The following OCEL1 variants were observed in gnomAD, a reference collection of about 807,000 sequenced individuals.
The protein encoded by OCEL1 is occludin/ELL domain-containing protein 1.
OCEL1 carries 24 observed loss-of-function variants against 29.4 expected under a neutral mutation model. The observed-to-expected ratio is 0.82, with a 90% confidence interval of 0.59 to 1.15. The LOEUF is 1.15. OCEL1 is among the 50% of genes most tolerant of loss of function. The pLI is 0.00. For missense variants in OCEL1, 402 were observed against 352.5 expected (o/e 1.14, Z -1.13); for synonymous variants, 172 against 145.3 (o/e 1.18, Z -1.32).
At position 17,226,676 on chromosome 19, in the gene OCEL1, C is replaced by T. The variant is rs1310478719; in HGVS notation, c.70-17C>T. 2.1e-6 allele frequency: 3 copies of T among 1,454,714 alleles called. No individual in the cohort carries two copies. The highest frequency in any genetic ancestry group is 2.7e-6 in the Non-Finnish European group (3 of 1,111,484). 90.1% of individuals were successfully genotyped at this position (1,454,714 alleles called of 1,614,324 possible). ...TGCGCGTCGTCAGGCGTGTCCTCTC[C>T]GCGTGTCCACCCACAGGCCGCCCGC... is the stretch of plus-strand genomic sequence containing the variant. On this transcript the variant is annotated splice_polypyrimidine_tract_variant and intron_variant, in intron 1 of 5. Transcript: ENST00000215061.
In OCEL1 at chr19:17,228,924, A is replaced by C. The variant is rs1011351373; in HGVS notation, c.794A>C (p.Ter265SerextTer67). The C allele has an allele frequency of 3.1e-6, 5 of 1,611,920 alleles. No homozygotes were observed. The African/African-American group carries it at 6.7e-5, about 22-fold the overall frequency. Residue 265 changes from the stop codon to serine (S), a stop_lost, in exon 6 of 6, where the codon TAA becomes TCA. Coordinates refer to ENST00000215061, the MANE Select transcript of OCEL1 (RefSeq NM_024578.3). ...QGDSEGSVYF[*>S] ...GACAGCGAGGGCTCCGTGTACTTCT[A>C]AGTGCCCCTGCAGATGGGCAGAGGG...
In OCEL1 at chr19:17,227,939, G is replaced by C. The variant is rs780786977; in HGVS notation, c.552G>C (p.Gly184=). The change falls in exon 4 of 6, where the codon GGG becomes GGC. Residue 184 remains glycine (G), a synonymous_variant. Coordinates refer to ENST00000215061, the MANE Select transcript of OCEL1 (RefSeq NM_024578.3). ...TCTTGGAGCTCCAGCACGAGGTGGG[G>C]TGTGCACAGGCAAAGCTCAGGCAGC... is the stretch of plus-strand genomic sequence containing the variant. ...GEFLELQHEV[G]CAQAKLRQLE... 1 of 1,613,370 alleles carries C rather than the reference G, an allele frequency of 6.2e-7. No homozygotes were observed. The highest frequency in any genetic ancestry group is 8.5e-7 in the Non-Finnish European group (1 of 1,180,016).
Position 17,227,007 on chromosome 19 carries a change from C to T in OCEL1, c.260C>T (p.Ala87Val). The T allele has an allele frequency of 6.3e-7, 1 of 1,583,992 alleles. No homozygotes were observed. Among genetic ancestry groups the T allele is most frequent in the Non-Finnish European group, 8.5e-7 (1 of 1,170,414 alleles). The change falls in exon 3 of 6, where the codon GCG (alanine) becomes GTG (valine). Residue 87 changes from alanine to valine, a missense_variant. Ala to Val is a moderately conservative substitution (Grantham distance 64). Transcript: ENST00000215061. ...PGPGPPLQGLAPRGLKTSAPR... is the reference protein window; with the variant it reads ...PGPGPPLQGLVPRGLKTSAPR... ...TTCCTGTGGCAGCTGCAGGGACTGG[C>T]GCCCCGAGGCCTCAAAACCAGCGCC... is the stretch of plus-strand genomic sequence containing the variant.
At position 17,226,240 on chromosome 19, in the gene OCEL1, T is replaced by A; in HGVS notation, c.-8T>A. ...GCGACCCCGCCAGTCGGGTCCATCCTGCAGTAAATGCACAACCCGGACGGA... is the reference window on the plus strand; with the variant it reads ...GCGACCCCGCCAGTCGGGTCCATCCAGCAGTAAATGCACAACCCGGACGGA... On this transcript the variant is annotated 5_prime_UTR_variant, in exon 1 of 6. Transcript: ENST00000215061. The A allele has an allele frequency of 6.2e-7, 1 of 1,606,148 alleles. No homozygotes were observed. Among genetic ancestry groups the A allele is most frequent in the Non-Finnish European group, 8.5e-7 (1 of 1,176,930 alleles).
In OCEL1 at chr19:17,227,952, A is replaced by AAG; in HGVS notation, c.566_567dup (p.Leu190SerfsTer9). On this transcript the variant is annotated frameshift_variant, in exon 4 of 6. Transcript: ENST00000215061. LOFTEE classifies it high-confidence loss of function. ...GCACGAGGTGGGGTGTGCACAGGCA[A>AAG]AGCTCAGGCAGCTGGAGGCCCTGCT... 5 of 1,613,042 alleles carry AAG rather than the reference A, an allele frequency of 3.1e-6. No homozygotes were observed. The highest frequency in any genetic ancestry group is 3.4e-6 in the Non-Finnish European group (4 of 1,179,990).
chr19:17,227,268 A>T (rs2145556510), intron 3 of OCEL1, 69 bp downstream of exon 3: 1 of 1,344,304 alleles, frequency 7.4e-7, no homozygotes, highest in Non-Finnish European at 9.8e-7. Context: ...GGGCTTTGAT[A>T]GTTGAATAAG....
rs754129054 is a variant in OCEL1, at chr19:17,226,262, C to T, written c.15C>T (p.Asp5=). 2.0e-5 allele frequency: 32 copies of T among 1,611,492 alleles called. No individual in the cohort carries two copies. The highest frequency in any genetic ancestry group is 2.7e-5 in the African/African-American group (2 of 74,882). The change falls in exon 1 of 6, where the codon GAC becomes GAT. Residue 5 remains aspartate (D), a synonymous_variant. Coordinates refer to ENST00000215061, the MANE Select transcript of OCEL1 (RefSeq NM_024578.3). ...TCCTGCAGTAAATGCACAACCCGGA[C>T]GGAAGTGCCTCTCCGACAGCAGATC... MHNP[D]GSASPTADPG...
intron 4 of OCEL1, 28 bp downstream of exon 4, chr19:17,228,033 C>G (rs774786599): frequency 1.2e-6 from 2 of 1,608,254 alleles, no homozygotes; most frequent in East Asian, 2.2e-5. Context: ...AGCCCTGCCC[C>G]GCAGCCCTTC....
In OCEL1 at chr19:17,227,865, A is replaced by G. The variant is rs778796835; in HGVS notation, c.478A>G (p.Arg160Gly). 6.2e-7 allele frequency: 1 copy of G among 1,613,918 alleles called. No individual in the cohort carries two copies. The highest frequency in any genetic ancestry group is 8.5e-7 in the Non-Finnish European group (1 of 1,180,008). ...TAAGTACCCGCCAGTGAGCAGTGAG[A>G]GGGAACGGAGCCGCTATGTCGCAGT... Reference protein sequence around the residue: ...ELKYPPVSSERERSRYVAVFQ... With the variant: ...ELKYPPVSSEGERSRYVAVFQ... Residue 160 changes from arginine (R) to glycine (G), a missense_variant, in exon 4 of 6, where the codon AGG (arginine) becomes GGG (glycine). Coordinates refer to ENST00000215061, the MANE Select transcript of OCEL1 (RefSeq NM_024578.3).
In OCEL1 at chr19:17,229,116, G is replaced by C. The variant is rs1047768162; in HGVS notation, c.*191G>C. 7.5e-6 allele frequency: 4 copies of C among 532,602 alleles called. No homozygotes were observed. Among genetic ancestry groups the C allele is most frequent in the Non-Finnish European group, 1.3e-5 (4 of 303,068 alleles). The allele number at this position is 532,602 out of a possible 1,614,324, so 33.0% of individuals were successfully genotyped here. On this transcript the variant is annotated 3_prime_UTR_variant, in exon 6 of 6. Transcript: ENST00000215061. ...AAGGCCTTCCAGGACTTCCTCCTCT[G>C]GGTCCTCTAGCTCTGACCCTACAGG...
At chr19:17,227,266 A>G in intron 3 of OCEL1, 67 bp downstream of exon 3, 1 of 1,349,486 alleles carries the variant, frequency 7.4e-7, no homozygotes, top group Non-Finnish European at 9.8e-7. Context: ...TGGGGCTTTG[A>G]TAGTTGAATA....
At chr19:17,227,809 ACTCACACT>A (rs2073375474) in intron 3 of OCEL1, 23 bp from the exon 4 acceptor site, 1 of 1,604,058 alleles carries the variant, frequency 6.2e-7, no homozygotes, top group Non-Finnish European at 8.5e-7. Flanking sequence ...GGTTCTTTAC[ACTCACACT>A]CTGACCCTCT....
chr19:17,228,503 A>T (rs1411306514), intron 5 of OCEL1, 194 bp downstream of exon 5: 17 of 644,126 alleles, frequency 2.6e-5, no homozygotes, highest in Non-Finnish European at 4.2e-5. Flanking sequence ...CTCCTGCCTC[A>T]GCTGGGATCA....
At chr19:17,228,782 T>G (rs1477732336) in intron 5 of OCEL1, 21 bp from the exon 6 acceptor site, 2 of 1,610,526 alleles carry the variant, frequency 1.2e-6, no homozygotes, top group Admixed American at 1.7e-5. Flanking sequence ...TGCAAAGACT[T>G]CCGGGTCTCG....
In OCEL1 at chr19:17,229,032, C is replaced by T; in HGVS notation, c.*107C>T. On this transcript the variant is annotated 3_prime_UTR_variant, in exon 6 of 6. Transcript: ENST00000215061. ...AGCTCCCCCTACCAGGGGTCGCTTT[C>T]TCCTGGATTGCAAATGCCTCTTCAG... The T allele has an allele frequency of 7.3e-7, 1 of 1,361,268 alleles. No homozygotes were observed. The highest frequency in any genetic ancestry group is 1.3e-5 in the South Asian group (1 of 75,384). The allele number at this position is 1,361,268 out of a possible 1,614,324, so 84.3% of individuals were successfully genotyped here.
intron 4 of OCEL1, 90 bp downstream of exon 4, chr19:17,228,095 G>C (rs1430982897): frequency 6.4e-7 from 1 of 1,560,730 alleles, no homozygotes; most frequent in Non-Finnish European, 8.7e-7. Flanking sequence ...AGATTTCCAG[G>C]ACTCTTTCTC....
chr19:17,229,075 C>T lies in OCEL1; in HGVS notation c.*150C>T. ...CTCTTCAGTTTGGACTCAGCTCTGACAGCCCCTCCTCCAGGAAGGCCTTCC... is the reference window on the plus strand; with the variant it reads ...CTCTTCAGTTTGGACTCAGCTCTGATAGCCCCTCCTCCAGGAAGGCCTTCC... On this transcript the variant is annotated 3_prime_UTR_variant, in exon 6 of 6. Coordinates refer to ENST00000215061, the MANE Select transcript of OCEL1 (RefSeq NM_024578.3). 2.4e-6 allele frequency: 2 copies of T among 845,232 alleles called. No homozygotes were observed. Among genetic ancestry groups the T allele is most frequent in the African/African-American group, 1.7e-5 (1 of 58,496 alleles). 52.4% of individuals were successfully genotyped at this position (845,232 alleles called of 1,614,324 possible). A position where few individuals can be genotyped will look rare whatever the true frequency, so the allele number is the denominator to read the frequency against.
chr19:17,226,692 G>T lies in OCEL1; in HGVS notation c.70-1G>T. 6.8e-7 allele frequency: 1 copy of T among 1,480,244 alleles called. No homozygotes were observed. The allele number at this position is 1,480,244 out of a possible 1,614,324, so 91.7% of individuals were successfully genotyped here. A position where few individuals can be genotyped will look rare whatever the true frequency, so the allele number is the denominator to read the frequency against. On this transcript the variant is annotated splice_acceptor_variant, in intron 1 of 5. Transcript: ENST00000215061. LOFTEE classifies it high-confidence loss of function. ...TGTCCTCTCCGCGTGTCCACCCACA[G>T]GCCGCCCGCAGACCACCCCCGCCGC...
In OCEL1 at chr19:17,227,990, C is replaced by T. The variant is rs1172019034; in HGVS notation, c.603C>T (p.Pro201=). Residue 201 remains proline, a synonymous_variant, in exon 4 of 6, where the codon CCC becomes CCT. Coordinates refer to ENST00000215061, the MANE Select transcript of OCEL1 (RefSeq NM_024578.3). The part of the protein sequence containing the change: ...RQLEALLSSL[P]PPQSQKEAQV... ...TGGAGGCCCTGCTGAGCTCCCTGCCCCCACCCCAAAGCCAGGTCAGCACTA... is the reference window on the plus strand; with the variant it reads ...TGGAGGCCCTGCTGAGCTCCCTGCCTCCACCCCAAAGCCAGGTCAGCACTA... 2.5e-6 allele frequency: 4 copies of T among 1,611,974 alleles called. No individual in the cohort carries two copies. Among genetic ancestry groups the T allele is most frequent in the African/African-American group, 1.3e-5 (1 of 74,834 alleles).
Sources: allele counts gnomAD v4.1 joint callset, GRCh38; gene constraint gnomAD v4.1.1; transcripts MANE v1.5; gene names NCBI Gene and HGNC (gene_info 2026-07-23, HGNC 2026-07-21).